SEMA3A: variants seen among roughly 807,000 people sequenced by gnomAD.
The protein encoded by SEMA3A is semaphorin-3A.
Under a neutral mutation model 97.9 loss-of-function variants are expected in SEMA3A, and 29 were observed. The ratio of observed to expected loss-of-function variants is 0.30; its 90% CI spans 0.22 to 0.40. The LOEUF (loss-of-function observed/expected upper bound fraction) is 0.40, where lower values mean the gene tolerates loss of function less well. Ranked by LOEUF, SEMA3A falls within the 10% of genes least tolerant of loss-of-function variation. SEMA3A has a pLI of 1.00. For missense variants in SEMA3A, 763 were observed against 951.3 expected, an observed-to-expected ratio of 0.80 and a Z score of 2.60; for synonymous variants, 321 against 323.7, an observed-to-expected ratio of 0.99 and a Z score of 0.09.
intron 9 of SEMA3A, 123 bp from the exon 10 acceptor site, chr7:84,007,620 A>T: frequency 1.2e-6 from 1 of 865,070 alleles, no homozygotes; most frequent in Non-Finnish European, 1.6e-6. Context: ...ATTCTTAGCA[A>T]TAATGTTTGG....
intron 1 of SEMA3A, among the ~76,000 whole-genome samples, chr7:84,194,245 A>T (rs1200681713): frequency 6.6e-6 from 1 of 152,156 alleles, no homozygotes; most frequent in Non-Finnish European, 1.5e-5. Context: ...AGCTCTTTTC[A>T]GCAAATGTGA....
chr7:84,433,279 A>G (rs1584322049), intron 1 of SEMA3A, among the ~76,000 whole-genome samples: 2 of 118,932 alleles, frequency 1.7e-5, no homozygotes, highest in Admixed American at 2.3e-4. Context: ...CCCTGTGTCC[A>G]TGTGTTCTCA....
intron 3 of SEMA3A, among the ~76,000 whole-genome samples, chr7:84,259,838 G>GA (rs200122432): frequency 2.7e-5 from 4 of 150,366 alleles, no homozygotes; most frequent in Non-Finnish European, 3.0e-5. Flanking sequence ...GAAAAGAAAG[G>GA]AAAAAAAAGA....
chr7:84,429,516 T>TTATATATATATATA (rs10523978), intron 1 of SEMA3A, among the ~76,000 whole-genome samples: 1,050 of 72,162 alleles, frequency 0.015, 27 homozygotes, highest in East Asian at 0.019. Flanking sequence ...ATAGAGTTTG[T>TTATATATATATATA]TATATATATA....
chr7:84,130,024 T>C (rs1187100213), intron 2 of SEMA3A, among the ~76,000 whole-genome samples: 1 of 152,086 alleles, frequency 6.6e-6, no homozygotes, highest in African/African-American at 2.4e-5. Context: ...ATACTCTCAT[T>C]TGATTTTAAT....
chr7:84,404,349 G>C (rs1804003410), intron 1 of SEMA3A, among the ~76,000 whole-genome samples: 1 of 152,108 alleles, frequency 6.6e-6, no homozygotes, highest in Non-Finnish European at 1.5e-5. Flanking sequence ...AGAAAAAAAA[G>C]AATAAAAAGA....
At chr7:84,385,845 A>G (rs931398028) in intron 1 of SEMA3A, among the ~76,000 whole-genome samples, 1 of 152,202 alleles carries the variant, frequency 6.6e-6, no homozygotes, top group Non-Finnish European at 1.5e-5. Context: ...CAACACTGAA[A>G]AGCTCTGCAT....
chr7:84,383,833 C>G (rs1803329905), intron 1 of SEMA3A, among the ~76,000 whole-genome samples: 1 of 152,166 alleles, frequency 6.6e-6, no homozygotes, highest in African/African-American at 2.4e-5. Context: ...AGAAAACTTT[C>G]AGAAATTACC....
At chr7:84,005,832 C>T (rs1447991912) in intron 10 of SEMA3A, among the ~76,000 whole-genome samples, 2 of 152,072 alleles carry the variant, frequency 1.3e-5, no homozygotes, top group African/African-American at 4.8e-5. Context: ...GCCTGTAGTC[C>T]CAGCTACTTG....
At chr7:83,996,373 G>T (rs1434756410) in intron 12 of SEMA3A, among the ~76,000 whole-genome samples, 1 of 142,480 alleles carries the variant, frequency 7.0e-6, no homozygotes, top group Non-Finnish European at 1.5e-5. Context: ...TGTGATCTCA[G>T]CCCACTGAAA....
At chr7:84,209,805 A>T (rs1402653018) in intron 3 of SEMA3A, among the ~76,000 whole-genome samples, 1 of 152,184 alleles carries the variant, frequency 6.6e-6, no homozygotes, top group African/African-American at 2.4e-5. Flanking sequence ...AAATAAAAAT[A>T]TTTGTAATAT....
intron 1 of SEMA3A, among the ~76,000 whole-genome samples, chr7:84,406,190 G>C (rs573026933): frequency 1.3e-5 from 2 of 152,202 alleles, no homozygotes; most frequent in Non-Finnish European, 2.9e-5. Context: ...GTATCAAATA[G>C]ATGCAATAAA....
chr7:84,040,689 C>T (rs1792105113), intron 6 of SEMA3A, among the ~76,000 whole-genome samples: 1 of 151,930 alleles, frequency 6.6e-6, no homozygotes, highest in Non-Finnish European at 1.5e-5. Context: ...ACCCAGATTA[C>T]CCAGTCAGCA....
At chr7:84,102,958 G>GT (rs548599896) in intron 4 of SEMA3A, among the ~76,000 whole-genome samples, 175 of 151,338 alleles carry the variant, frequency 1.2e-3, no homozygotes, top group African/African-American at 4.1e-3. Flanking sequence ...TTGTATGGGG[G>GT]TTTTTTTTGA....
intron 1 of SEMA3A, among the ~76,000 whole-genome samples, chr7:84,448,130 A>G (rs1252315198): frequency 6.6e-6 from 1 of 152,124 alleles, no homozygotes; most frequent in East Asian, 1.9e-4. Flanking sequence ...GTTCTGGGCC[A>G]GTACTGTGAG....
At chr7:83,996,300 C>CTT (rs35148121) in intron 12 of SEMA3A, among the ~76,000 whole-genome samples, 1,318 of 111,956 alleles carry the variant, frequency 0.012, 57 homozygotes, top group African/African-American at 0.039. Flanking sequence ...TACTAGTAAT[C>CTT]TTTTTTTTTT....
At chr7:84,152,721 A>C (rs989126817) in intron 1 of SEMA3A, among the ~76,000 whole-genome samples, 3 of 151,920 alleles carry the variant, frequency 2.0e-5, no homozygotes, top group Non-Finnish European at 4.4e-5. Flanking sequence ...AAAAAAGAAG[A>C]AGCTGAGATT....
chr7:84,331,086 T>C (rs1333166626), intron 2 of SEMA3A, among the ~76,000 whole-genome samples: 1 of 152,166 alleles, frequency 6.6e-6, no homozygotes, highest in Non-Finnish European at 1.5e-5. Flanking sequence ...AAATAGTCAA[T>C]ACCTGTGACA....
intron 5 of SEMA3A, among the ~76,000 whole-genome samples, chr7:84,051,022 A>G (rs1321983168): frequency 6.6e-6 from 1 of 151,598 alleles, no homozygotes; most frequent in Admixed American, 6.6e-5. Flanking sequence ...ATAGTTGTAG[A>G]TATGTGGCAT....
Sources: gnomAD v4.1 joint callset for allele counts (sites outside exome capture counted in the v4.1 genomes callset) on GRCh38, gnomAD v4.1.1 for gene constraint, MANE v1.5 for transcripts, NCBI Gene and HGNC (gene_info 2026-07-23, HGNC 2026-07-21) for gene names.